The following CRYL1 variants were observed in gnomAD, a reference collection of about 807,000 sequenced individuals.
The protein encoded by CRYL1 is lambda-crystallin homolog.
Under a neutral mutation model 36.6 loss-of-function variants are expected in CRYL1, and 29 were observed. The observed-to-expected ratio is 0.79, with a 90% CI of 0.59 to 1.08. CRYL1 has a LOEUF of 1.08. Among genes scored for constraint, CRYL1 ranks in the 50% least tolerant of loss-of-function variants. The probability of loss-of-function intolerance (pLI) is 0.00; values close to 1 mark genes in which losing one functional copy is unlikely to be tolerated. For synonymous variants in CRYL1, 152 were observed against 151.5 expected (o/e 1.00, Z -0.02); for missense variants, 411 against 407.9 (o/e 1.01, Z -0.06).
intron 4 of CRYL1, among the ~76,000 whole-genome samples, chr13:20,436,504 G>T (rs1046123551): frequency 6.6e-5 from 10 of 152,180 alleles, no homozygotes; most frequent in Non-Finnish European, 8.8e-5. Flanking sequence ...CTGCCACGAG[G>T]AGTTGAGGAA....
At chr13:20,493,214 C>T (rs1006766032) in intron 2 of CRYL1, among the ~76,000 whole-genome samples, 1 of 152,232 alleles carries the variant, frequency 6.6e-6, no homozygotes, top group African/African-American at 2.4e-5. Flanking sequence ...TTCTCCATTA[C>T]CTTCTTGCCA....
chr13:20,514,675 C>T (rs937294290), intron 1 of CRYL1, among the ~76,000 whole-genome samples: 8 of 151,982 alleles, frequency 5.3e-5, no homozygotes, highest in Non-Finnish European at 8.8e-5. Context: ...TATTAATAAA[C>T]GATGTTAACA....
Position 20,403,866 on chromosome 13 carries a change from GA to G in CRYL1, c.*262del. 3.1e-6 allele frequency: 1 copy of G among 320,052 alleles called. No homozygotes were observed. The highest frequency in any genetic ancestry group is 5.5e-5 in the East Asian group (1 of 18,282). The allele number at this position is 320,052 out of a possible 1,614,324, so 19.8% of individuals were successfully genotyped here. A position where few individuals can be genotyped will look rare whatever the true frequency, so the allele number is the denominator to read the frequency against. The stretch of plus-strand genomic sequence containing the variant: ...TGCAATCAAGCTGAAAAGAAAAGGT[GA>G]AAATCTCCAGGTTATCTGCCCAGGT... On this transcript the variant is annotated 3_prime_UTR_variant, in exon 8 of 8. Transcript: ENST00000298248.
intron 3 of CRYL1, among the ~76,000 whole-genome samples, chr13:20,484,775 T>C (rs1223755392): frequency 2.0e-5 from 3 of 152,196 alleles, no homozygotes; most frequent in African/African-American, 7.2e-5. Flanking sequence ...AGTGGAAACA[T>C]ATAAATACAC....
rs1408438436 is a variant in CRYL1, at chr13:20,413,369, T to A, written c.652A>T (p.Ser218Cys). 1.2e-6 allele frequency: 2 copies of A among 1,612,456 alleles called. No individual in the cohort carries two copies. The highest frequency in any genetic ancestry group is 1.7e-6 in the Non-Finnish European group (2 of 1,178,994). The stretch of plus-strand genomic sequence containing the variant: ...TCTGACATGACAAGGTCCAGGTCAC[T>A]AGGAGACACGATTCCTTCCTACGTG... ...RLVEEGIVSP[S>C]DLDLVMSEGL... Residue 218 changes from serine to cysteine, a missense_variant, in exon 6 of 8, where the codon AGT (serine) becomes TGT (cysteine). Transcript: ENST00000298248.
chr13:20,519,309 A>C (rs1386113284), intron 1 of CRYL1, among the ~76,000 whole-genome samples: 1 of 152,148 alleles, frequency 6.6e-6, no homozygotes, highest in African/African-American at 2.4e-5. Flanking sequence ...TGAACTGAGG[A>C]TTGACCATTG....
At chr13:20,420,701 T>TTTTTTTTTTTTTTTTTTTTTTTGTGTG in intron 5 of CRYL1, among the ~76,000 whole-genome samples, 6 of 21,840 alleles carry the variant, frequency 2.7e-4, no homozygotes, top group Non-Finnish European at 8.2e-4. Context: ...AAAATAGAGG[T>TTTTTTTTTTTTTTTTTTTTTTTGTGTG]TGTGTGTGTG....
chr13:20,502,011 G>C (rs1317341692), intron 2 of CRYL1, among the ~76,000 whole-genome samples: 7 of 152,182 alleles, frequency 4.6e-5, no homozygotes, highest in African/African-American at 1.7e-4. Context: ...AGGTGTTTCT[G>C]AAGTTGGGAA....
intron 1 of CRYL1, among the ~76,000 whole-genome samples, chr13:20,518,397 G>A (rs940830050): frequency 2.6e-5 from 4 of 152,126 alleles, no homozygotes; most frequent in Admixed American, 2.0e-4. Context: ...GTATTTCTGC[G>A]ACAAGTGTTC....
intron 2 of CRYL1, among the ~76,000 whole-genome samples, chr13:20,499,770 T>G (rs1341438930): frequency 6.6e-6 from 1 of 152,232 alleles, no homozygotes. Context: ...ATTCTTATAA[T>G]TCTGATATGT....
intron 1 of CRYL1, among the ~76,000 whole-genome samples, chr13:20,512,919 T>C (rs2033939966): frequency 6.6e-6 from 1 of 152,176 alleles, no homozygotes; most frequent in Non-Finnish European, 1.5e-5. Context: ...ATGTGTTGTA[T>C]ATTTCAGAAC....
At chr13:20,497,259 A>ACATACACACAACTACACACACACCAC (rs1555232036) in intron 2 of CRYL1, among the ~76,000 whole-genome samples, 4 of 124,468 alleles carry the variant, frequency 3.2e-5, no homozygotes, top group African/African-American at 1.2e-4. Flanking sequence ...CCCACACACC[A>ACATACACACAACTACACACACACCAC]CATACACACA....
chr13:20,409,228 T>C (rs2137362432), intron 6 of CRYL1, among the ~76,000 whole-genome samples: 1 of 147,168 alleles, frequency 6.8e-6, no homozygotes, highest in African/African-American at 2.5e-5. Flanking sequence ...TTGACAAACC[T>C]GAGAAAAACA....
chr13:20,452,237 C>A (rs1409850129), intron 3 of CRYL1, among the ~76,000 whole-genome samples: 3 of 70,852 alleles, frequency 4.2e-5, no homozygotes, highest in African/African-American at 4.6e-5. Flanking sequence ...ACCATCAGAC[C>A]GAATTAAAAA....
chr13:20,461,950 G>A (rs1392057271), intron 3 of CRYL1, among the ~76,000 whole-genome samples: 3 of 148,298 alleles, frequency 2.0e-5, no homozygotes, highest in African/African-American at 7.5e-5. Flanking sequence ...GGGATGGGGT[G>A]GGAGGAGGAG....
At chr13:20,417,768 T>C (rs2031707578) in intron 5 of CRYL1, among the ~76,000 whole-genome samples, 1 of 152,078 alleles carries the variant, frequency 6.6e-6, no homozygotes, top group Non-Finnish European at 1.5e-5. Flanking sequence ...TAGGAGAAAA[T>C]GCCCAGGCTG....
At chr13:20,448,356 C>T (rs750207342) in intron 3 of CRYL1, among the ~76,000 whole-genome samples, 7 of 151,932 alleles carry the variant, frequency 4.6e-5, no homozygotes, top group Admixed American at 1.3e-4. Flanking sequence ...GTAAAAGAAA[C>T]GGAATAGGAC....
intron 3 of CRYL1, among the ~76,000 whole-genome samples, chr13:20,488,028 GGAAGTGGAGGCTGCAAT>G (rs1230970027): frequency 6.6e-6 from 1 of 151,472 alleles, no homozygotes; most frequent in Non-Finnish European, 1.5e-5. Context: ...CTTGAATCCA[GGAAGTGGAGGCTGCAAT>G]GAGCCGAGAT....
At chr13:20,483,992 A>T (rs2033340225) in intron 3 of CRYL1, among the ~76,000 whole-genome samples, 1 of 151,986 alleles carries the variant, frequency 6.6e-6, no homozygotes, top group Non-Finnish European at 1.5e-5. Flanking sequence ...AATTTTTTGT[A>T]TTTTTAGTAG....
Sources: gnomAD v4.1 joint callset for allele counts (sites outside exome capture counted in the v4.1 genomes callset) on GRCh38, gnomAD v4.1.1 for gene constraint, MANE v1.5 for transcripts, NCBI Gene and HGNC (gene_info 2026-07-23, HGNC 2026-07-21) for gene names.